MDGA2: variants seen among roughly 807,000 people sequenced by gnomAD.
MDGA2 encodes the protein MAM domain-containing glycosylphosphatidylinositol anchor protein 2.
MDGA2 carries 40 observed loss-of-function variants against 117.8 expected under a neutral mutation model. The observed-to-expected ratio is 0.34, with a 90% CI of 0.26 to 0.44. The LOEUF is 0.44. MDGA2 is among the 20% of genes least tolerant of loss of function. The pLI is 1.00. For missense variants in MDGA2, 1,123 were observed against 1,250.6 expected (o/e 0.90, Z 1.54); for synonymous variants, 452 against 439.0 (o/e 1.03, Z -0.37).
At chr14:47,011,335 C>G (rs1221608349) in intron 8 of MDGA2, among the ~76,000 whole-genome samples, 1 of 151,934 alleles carries the variant, frequency 6.6e-6, no homozygotes, top group Non-Finnish European at 1.5e-5. Flanking sequence ...TACCATTCAT[C>G]ACATTATTTT....
chr14:47,011,835 C>G (rs1407848869), intron 8 of MDGA2, among the ~76,000 whole-genome samples: 1 of 151,980 alleles, frequency 6.6e-6, no homozygotes, highest in Admixed American at 6.6e-5. Flanking sequence ...CAATAATATA[C>G]TTCATAGGTC....
intron 7 of MDGA2, among the ~76,000 whole-genome samples, chr14:47,039,690 A>C (rs1888991307): frequency 6.6e-6 from 1 of 152,236 alleles, no homozygotes; most frequent in South Asian, 2.1e-4. Context: ...ATCATAAAAC[A>C]GTTGAACAAT....
Position 47,608,683 on chromosome 14 carries a change from T to G in MDGA2, c.280+65834A>C, listed in dbSNP as rs556232737. Among the ~76,000 whole-genome samples the G allele has an allele frequency of 6.6e-5, 10 of 152,214 alleles. No homozygotes were observed. The East Asian group carries it at 1.9e-3, about 29-fold the overall frequency. ...TTCTCTGAATAAGACAAGGAGTCAC[T>G]GGAAAGTTCTAAGCAGCTGAAAGAT... On this transcript the variant is annotated intron_variant, in intron 1 of 16. Transcript: ENST00000399232.
At chr14:47,201,717 A>G (rs542935089) in intron 3 of MDGA2, among the ~76,000 whole-genome samples, 5 of 151,976 alleles carry the variant, frequency 3.3e-5, no homozygotes, top group South Asian at 4.1e-4. Context: ...CTGTTTTTCT[A>G]TTTCCTTCTT....
At chr14:47,333,019 A>G (rs868765583) in intron 1 of MDGA2, among the ~76,000 whole-genome samples, 10 of 152,006 alleles carry the variant, frequency 6.6e-5, no homozygotes, top group Middle Eastern at 3.4e-3. Flanking sequence ...TTGTATCTCT[A>G]TGCCACATTT....
At chr14:47,016,210 TA>T (rs1369623128) in intron 8 of MDGA2, among the ~76,000 whole-genome samples, 1 of 152,106 alleles carries the variant, frequency 6.6e-6, no homozygotes, top group Non-Finnish European at 1.5e-5. Context: ...GCATGGTTTT[TA>T]ATGGCTTAGC....
chr14:47,180,578 C>T (rs1884660597), intron 3 of MDGA2, among the ~76,000 whole-genome samples: 1 of 152,016 alleles, frequency 6.6e-6, no homozygotes, highest in Non-Finnish European at 1.5e-5. Flanking sequence ...CGAAAAAAAG[C>T]TCAACATCAC....
intron 1 of MDGA2, among the ~76,000 whole-genome samples, chr14:47,439,818 A>AGC (rs1555322025): frequency 6.7e-6 from 1 of 150,304 alleles, no homozygotes; most frequent in African/African-American, 2.4e-5. Context: ...TCACTAAGGG[A>AGC]GTGTGTGTGT....
At chr14:47,132,603 G>GA (rs1161395631) in intron 4 of MDGA2, among the ~76,000 whole-genome samples, 4 of 151,752 alleles carry the variant, frequency 2.6e-5, no homozygotes, top group Middle Eastern at 3.4e-3. Context: ...TTGTTGAAAG[G>GA]AAAAAAAGAA....
chr14:47,196,213 A>G (rs1222477795), intron 3 of MDGA2, among the ~76,000 whole-genome samples: 1 of 152,150 alleles, frequency 6.6e-6, no homozygotes, highest in Non-Finnish European at 1.5e-5. Flanking sequence ...CTTGAGTGGT[A>G]AAATTTATGT....
At chr14:47,674,421 G>C in intron 1 of MDGA2, 96 bp downstream of exon 1, 3 of 1,060,570 alleles carry the variant, frequency 2.8e-6, no homozygotes, top group East Asian at 2.7e-5. Flanking sequence ...GCCACGCCGG[G>C]AGGGGCCCCG....
At chr14:47,561,154 T>G (rs199683974) in intron 1 of MDGA2, among the ~76,000 whole-genome samples, 4,754 of 39,234 alleles carry the variant, frequency 0.12, 493 homozygotes, top group African/African-American at 0.27. Flanking sequence ...TTTTTTTTTG[T>G]TTTGTTTTGT....
chr14:47,383,189 C>A (rs1226228140), intron 1 of MDGA2, among the ~76,000 whole-genome samples: 1 of 152,100 alleles, frequency 6.6e-6, no homozygotes, highest in Non-Finnish European at 1.5e-5. Flanking sequence ...GATTATCACA[C>A]ACCGGAGCCT....
chr14:46,851,257 G>A (rs1881044424), intron 15 of MDGA2, among the ~76,000 whole-genome samples: 1 of 151,574 alleles, frequency 6.6e-6, no homozygotes, highest in Admixed American at 6.6e-5. Context: ...CTTTACCCCT[G>A]GAAAACATTT....
intron 15 of MDGA2, among the ~76,000 whole-genome samples, chr14:46,847,858 C>T (rs1323608856): frequency 6.6e-6 from 1 of 151,824 alleles, no homozygotes; most frequent in African/African-American, 2.4e-5. Context: ...ACAAATTGCC[C>T]GTATGAGCAA....
At chr14:47,229,595 C>A (rs1328103517) in intron 2 of MDGA2, among the ~76,000 whole-genome samples, 7 of 151,132 alleles carry the variant, frequency 4.6e-5, no homozygotes, top group Admixed American at 4.6e-4. Flanking sequence ...GAAGAAACAA[C>A]TAAAAGTAAC....
At chr14:47,590,867 T>G (rs902592070) in intron 1 of MDGA2, among the ~76,000 whole-genome samples, 4 of 152,012 alleles carry the variant, frequency 2.6e-5, no homozygotes, top group Non-Finnish European at 5.9e-5. Context: ...AGCACTGCAT[T>G]AAACAATATT....
intron 3 of MDGA2, among the ~76,000 whole-genome samples, chr14:47,152,826 A>T (rs2139236099): frequency 6.6e-6 from 1 of 152,280 alleles, no homozygotes; most frequent in Admixed American, 6.5e-5. Flanking sequence ...ATAAATCCTA[A>T]ATTATGAAGA....
intron 14 of MDGA2, 24 bp downstream of exon 14, chr14:46,873,409 A>C (rs1406460278): frequency 6.5e-7 from 1 of 1,548,986 alleles, no homozygotes. Context: ...ATTTTGTAAG[A>C]ATCAGTAATT....
Sources: gnomAD v4.1 joint callset for allele counts (sites outside exome capture counted in the v4.1 genomes callset) on GRCh38, gnomAD v4.1.1 for gene constraint, MANE v1.5 for transcripts, NCBI Gene and HGNC (gene_info 2026-07-23, HGNC 2026-07-21) for gene names.